Variants in CSMD2 observed in about 807,000 individuals in gnomAD.
CSMD2 encodes CUB and sushi domain-containing protein 2.
Under a neutral mutation model 398.5 loss-of-function variants are expected in CSMD2, and 130 were observed. The ratio of observed to expected loss-of-function variants is 0.33; its 90% CI spans 0.28 to 0.38. The LOEUF (loss-of-function observed/expected upper bound fraction) is 0.38. Ranked by LOEUF, CSMD2 falls within the 10% of genes least tolerant of loss-of-function variation. The probability of loss-of-function intolerance (pLI) is 1.00; values close to 1 mark genes in which losing one functional copy is unlikely to be tolerated. For missense variants in CSMD2, 3,829 were observed against 4,764.9 expected, an observed-to-expected ratio of 0.80 and a Z score of 5.78; for synonymous variants, 1,828 against 1,908.5, an observed-to-expected ratio of 0.96 and a Z score of 1.10.
intron 1 of CSMD2, among the ~76,000 whole-genome samples, chr1:34,108,826 C>A (rs1032460240): frequency 7.9e-5 from 12 of 152,090 alleles, no homozygotes; most frequent in Non-Finnish European, 1.5e-4. Flanking sequence ...ACACAGGAGT[C>A]CTGGGATAGG....
intron 37 of CSMD2, among the ~76,000 whole-genome samples, chr1:33,621,477 C>T (rs936425242): frequency 2.0e-5 from 3 of 152,118 alleles, no homozygotes; most frequent in Non-Finnish European, 2.9e-5. Flanking sequence ...CTTTCCCAAT[C>T]GTGGCAAAAC....
rs766529315 is a variant in CSMD2, at chr1:33,725,331, G to A, written c.2695+18C>T. The A allele has an allele frequency of 6.2e-7, 1 of 1,611,314 alleles. No homozygotes were observed. The highest frequency in any genetic ancestry group is 8.5e-7 in the Non-Finnish European group (1 of 1,177,994). ...GGCTGACCTTGTCATCCCTTTTCCT[G>A]AGCCCACTGAGACTCACTCTCATAG... is the stretch of plus-strand genomic sequence containing the variant. On this transcript the variant is annotated intron_variant, in intron 17 of 70. Transcript: ENST00000373381.
chr1:33,861,917 C>T (rs1221032829), intron 5 of CSMD2, among the ~76,000 whole-genome samples: 1 of 142,258 alleles, frequency 7.0e-6, no homozygotes, highest in Non-Finnish European at 1.5e-5. Context: ...GAATAAATGC[C>T]TTGACTTAAC....
At chr1:33,719,499 G>A (rs1040570910) in intron 19 of CSMD2, among the ~76,000 whole-genome samples, 8 of 152,178 alleles carry the variant, frequency 5.3e-5, no homozygotes, top group African/African-American at 1.9e-4. Context: ...TGAAGACATT[G>A]TTGCAGAAAT....
chr1:33,973,549 G>A (rs1353735814), intron 3 of CSMD2, among the ~76,000 whole-genome samples: 1 of 152,228 alleles, frequency 6.6e-6, no homozygotes, highest in African/African-American at 2.4e-5. Flanking sequence ...CAAGGTAGCT[G>A]GGTGTGATAA....
At chr1:33,820,185 T>A (rs564542019) in intron 8 of CSMD2, among the ~76,000 whole-genome samples, 1 of 152,202 alleles carries the variant, frequency 6.6e-6, no homozygotes, top group Non-Finnish European at 1.5e-5. Context: ...AGTTGCCTTC[T>A]GGCGTGTCAT....
chr1:33,633,336 T>C lies in CSMD2; in HGVS notation c.5200+86A>G, dbSNP rs998181287. On this transcript the variant is annotated intron_variant, in intron 32 of 70. Coordinates refer to ENST00000373381, the MANE Select transcript of CSMD2 (RefSeq NM_001281956.2). This position sits in a 1 kb window ranked among gnomAD's most constrained non-coding sequence, Gnocchi z 5.0. ...AGCCGTAGGGTTCCACCTGCGGCCA[T>C]GGGGTGCTTCTAGAGCCTCCTTCCT... 4.1e-6 allele frequency: 4 copies of C among 973,798 alleles called. No homozygotes were observed. The highest frequency in any genetic ancestry group is 6.4e-6 in the Non-Finnish European group (4 of 626,212). 60.3% of individuals were successfully genotyped at this position (973,798 alleles called of 1,614,324 possible).
At chr1:34,015,109 C>A (rs545468724) in intron 3 of CSMD2, among the ~76,000 whole-genome samples, 1 of 152,344 alleles carries the variant, frequency 6.6e-6, no homozygotes, top group Non-Finnish European at 1.5e-5. Context: ...GACACAGAAG[C>A]TTTAGGAGAA....
intron 4 of CSMD2, among the ~76,000 whole-genome samples, chr1:33,931,209 T>TGCCA (rs1471683220): frequency 1.3e-5 from 2 of 152,310 alleles, no homozygotes; most frequent in East Asian, 3.9e-4. Context: ...CACTCGCAGA[T>TGCCA]GCCAGCTCTT....
rs1638353609 is a variant in CSMD2, at chr1:33,577,415, C to T, written c.7457G>A (p.Gly2486Glu). 6.2e-7 allele frequency: 1 copy of T among 1,614,134 alleles called. No homozygotes were observed. The highest frequency in any genetic ancestry group is 8.5e-7 in the Non-Finnish European group (1 of 1,180,014). The change falls in exon 49 of 71, where the codon GGG (glycine) becomes GAG (glutamate). Residue 2486 changes from glycine to glutamate, a missense_variant. By Grantham distance (98) the Gly-to-Glu change is moderately conservative (BLOSUM62 -2). Coordinates refer to ENST00000373381, the MANE Select transcript of CSMD2 (RefSeq NM_001281956.2). ...FILGQTSTQP[G>E]GSIHFGCNAG... ...GTTGCAGCCAAAGTGGATGGAGCCC[C>T]CGGGCTGGGTGCTGGTCTGGCCTAG...
At chr1:34,015,632 AG>A (rs1647979569) in intron 3 of CSMD2, among the ~76,000 whole-genome samples, 1 of 152,168 alleles carries the variant, frequency 6.6e-6, no homozygotes, top group African/African-American at 2.4e-5. Flanking sequence ...GTACAACAGG[AG>A]GGCCACAGGC....
intron 29 of CSMD2, among the ~76,000 whole-genome samples, chr1:33,639,362 G>T (rs1393179756): frequency 6.6e-6 from 1 of 152,212 alleles, no homozygotes; most frequent in East Asian, 1.9e-4. Context: ...AGCTGGGAAT[G>T]ACTGGCCCAG....
intron 40 of CSMD2, among the ~76,000 whole-genome samples, chr1:33,612,342 GA>G (rs1187499024): frequency 4.6e-5 from 7 of 152,144 alleles, no homozygotes; most frequent in Non-Finnish European, 1.0e-4. Flanking sequence ...ACTTAATGTT[GA>G]AGATCTTTCA....
rs754151537 is a variant in CSMD2, at chr1:33,972,764, T to C, written c.518-36810A>G. Among the ~76,000 whole-genome samples, 9 of 152,304 alleles carry C rather than the reference T, an allele frequency of 5.9e-5. No homozygotes were observed. In the South Asian group the frequency reaches 6.2e-4, roughly 11 times the overall value. On this transcript the variant is annotated intron_variant, in intron 3 of 70. Coordinates refer to ENST00000373381, the MANE Select transcript of CSMD2 (RefSeq NM_001281956.2). ...GGACTTCTGGCCTCCGGAACTGTAA[T>C]AGAATAAATCTGTGCTGTCTTAAAC...
intron 11 of CSMD2, among the ~76,000 whole-genome samples, chr1:33,790,661 GTCTATCTATCTATCTATCTATCTATCTA>G (rs72105736): frequency 6.7e-6 from 1 of 149,728 alleles, no homozygotes. Flanking sequence ...CTGTTTGTCT[GTCTATCTATCTATCTATCTATCTATCTA>G]TCTATCTATC....
chr1:34,136,679 C>G (rs756421883), intron 1 of CSMD2, among the ~76,000 whole-genome samples: 1 of 152,178 alleles, frequency 6.6e-6, no homozygotes, highest in Non-Finnish European at 1.5e-5. Context: ...GCCTTTATTA[C>G]CATTTTTTGT....
chr1:34,062,887 G>A (rs1407856746), intron 2 of CSMD2, among the ~76,000 whole-genome samples: 3 of 152,120 alleles, frequency 2.0e-5, no homozygotes, highest in Non-Finnish European at 2.9e-5. Context: ...AGACATACCC[G>A]AGACTGGGAA....
chr1:33,559,059 A>G lies in CSMD2; in HGVS notation c.8554+241T>C, dbSNP rs1204052295. On this transcript the variant is annotated intron_variant, in intron 54 of 70. Coordinates refer to ENST00000373381, the MANE Select transcript of CSMD2 (RefSeq NM_001281956.2). This position sits in a 1 kb window ranked among gnomAD's most constrained non-coding sequence, Gnocchi z 4.0. ...TTATTTGTTCAATGAAAGGTAAAAA[A>G]GACGACTTGAAAGATAAAACTTAAG... Among the ~76,000 whole-genome samples the G allele has an allele frequency of 6.6e-6, 1 of 152,264 alleles. No individual in the cohort carries two copies. Among genetic ancestry groups the G allele is most frequent in the Admixed American group, 6.5e-5 (1 of 15,286 alleles).
chr1:34,135,280 AC>A (rs1638616674), intron 1 of CSMD2, among the ~76,000 whole-genome samples: 2 of 150,258 alleles, frequency 1.3e-5, no homozygotes, highest in Non-Finnish European at 3.0e-5. Context: ...ACACACACAC[AC>A]ACACAATTAT....
Sources: gnomAD v4.1 joint callset for allele counts (sites outside exome capture counted in the v4.1 genomes callset) on GRCh38, gnomAD v4.1.1 for gene constraint, Gnocchi (gnomAD v3.1) non-coding constraint, MANE v1.5 for transcripts, NCBI Gene and HGNC (gene_info 2026-07-23, HGNC 2026-07-21) for gene names.